The following ERGIC1 variants were observed in gnomAD, a reference collection of about 807,000 sequenced individuals.
The protein encoded by ERGIC1 is endoplasmic reticulum-golgi intermediate compartment 1.
A neutral mutation model predicts 38.3 loss-of-function variants in ERGIC1; 19 were observed. That is an observed-to-expected ratio of 0.50 (90% CI 0.35 to 0.73). ERGIC1 has a LOEUF of 0.73. Among genes scored for constraint, ERGIC1 ranks in the 30% least tolerant of loss-of-function variants. The pLI is 0.01. For missense variants in ERGIC1, 294 were observed against 389.2 expected (o/e 0.76, Z 2.06); for synonymous variants, 124 against 157.6 (o/e 0.79, Z 1.60).
intron 9 of ERGIC1, among the ~76,000 whole-genome samples, chr5:172,940,637 G>A (rs1042369391): frequency 1.3e-5 from 2 of 152,110 alleles, no homozygotes; most frequent in East Asian, 1.9e-4. Flanking sequence ...AAGAAGTACC[G>A]GATGGCGATG....
Position 172,926,388 on chromosome 5 carries a change from C to A in ERGIC1, c.481-121C>A. 9.7e-7 allele frequency: 1 copy of A among 1,027,878 alleles called. No homozygotes were observed. Among genetic ancestry groups the A allele is most frequent in the Non-Finnish European group, 1.5e-6 (1 of 674,042 alleles). 63.7% of individuals were successfully genotyped at this position (1,027,878 alleles called of 1,614,324 possible). On this transcript the variant is annotated intron_variant, in intron 6 of 9. Coordinates refer to ENST00000393784, the MANE Select transcript of ERGIC1 (RefSeq NM_001031711.3). The surrounding 1 kb of genome is among the most constrained non-coding windows in gnomAD (Gnocchi z 5.2). ...TTGCTCCCCACAAATCCGCTGGAGC[C>A]CCCTTTTACACATTGGTAGGGTTCC...
chr5:172,949,282 C>T lies in ERGIC1; in HGVS notation c.766-1427C>T, dbSNP rs7725520. On this transcript the variant is annotated intron_variant, in intron 9 of 9. Transcript: ENST00000393784. ...GCAACAGGGTGTCACATTAAGAGCA[C>T]AGACTCCAAAGTTTTGAACCCCTAT... Among the ~76,000 whole-genome samples, 666 of 152,320 alleles carry T rather than the reference C, an allele frequency of 4.4e-3. 3 individuals are homozygous for T. The highest frequency in any genetic ancestry group is 0.015 in the African/African-American group (632 of 41,568).
At chr5:172,909,146 T>C (rs1763139231) in intron 3 of ERGIC1, among the ~76,000 whole-genome samples, 1 of 139,710 alleles carries the variant, frequency 7.2e-6, no homozygotes, top group African/African-American at 2.6e-5. Context: ...CCCTTCTCTT[T>C]CCTGAGCCCC....
At chr5:172,898,965 G>A (rs1762802127) in intron 3 of ERGIC1, among the ~76,000 whole-genome samples, 1 of 152,150 alleles carries the variant, frequency 6.6e-6, no homozygotes, top group South Asian at 2.1e-4. Flanking sequence ...AATGTTATGA[G>A]GTACCTGTTG....
intron 1 of ERGIC1, chr5:172,867,250 A>G (rs934583691): frequency 4.4e-6 from 2 of 450,956 alleles, no homozygotes; most frequent in East Asian, 7.0e-5. Flanking sequence ...CTGACACTGC[A>G]TGGTCAGGGT....
chr5:172,924,296 G>A (rs1035456688), intron 6 of ERGIC1, among the ~76,000 whole-genome samples, 187 bp downstream of exon 6: 1 of 152,228 alleles, frequency 6.6e-6, no homozygotes, highest in Admixed American at 6.5e-5. Context: ...GGCAGGGGGC[G>A]TCTCAAACAT....
intron 3 of ERGIC1, among the ~76,000 whole-genome samples, chr5:172,907,851 G>C (rs1763074656): frequency 6.6e-6 from 1 of 152,184 alleles, no homozygotes; most frequent in South Asian, 2.1e-4. Flanking sequence ...GTGATGTCTG[G>C]TTCTTGTGTC....
At chr5:172,915,013 C>T in intron 5 of ERGIC1, 175 bp downstream of exon 5, 2 of 1,028,648 alleles carry the variant, frequency 1.9e-6, no homozygotes, top group Non-Finnish European at 1.5e-6. Context: ...GATGGGGGTC[C>T]AGGCTCCCTG....
intron 3 of ERGIC1, among the ~76,000 whole-genome samples, chr5:172,909,318 G>A (rs930600287): frequency 3.3e-5 from 5 of 151,914 alleles, no homozygotes; most frequent in Non-Finnish European, 5.9e-5. Flanking sequence ...GCGCCACCAC[G>A]CCCAGCTAAT....
At position 172,930,636 on chromosome 5, in the gene ERGIC1, TC is replaced by T. The variant is rs1763758128; in HGVS notation, c.542-1798del. ...GGGATTACAGGCGTGAGCCACCACATCCGGCCTTGTACAAATTTTAACAAGA... is the reference window on the plus strand; with the variant it reads ...GGGATTACAGGCGTGAGCCACCACATCGGCCTTGTACAAATTTTAACAAGA... On this transcript the variant is annotated intron_variant, in intron 7 of 9. Coordinates refer to ENST00000393784, the MANE Select transcript of ERGIC1 (RefSeq NM_001031711.3). Among the ~76,000 whole-genome samples, 6 of 152,230 alleles carry T rather than the reference TC, an allele frequency of 3.9e-5. No homozygotes were observed. The South Asian group carries it at 1.0e-3, about 26-fold the overall frequency.
chr5:172,870,151 A>T (rs1761963785), intron 1 of ERGIC1, among the ~76,000 whole-genome samples: 1 of 152,240 alleles, frequency 6.6e-6, no homozygotes. Context: ...TCACAAACTG[A>T]TAATACTCAG....
chr5:172,950,662 CCAG>C (rs1370172098), intron 9 of ERGIC1, 44 bp from the exon 10 acceptor site: 2 of 1,564,944 alleles, frequency 1.3e-6, no homozygotes, highest in African/African-American at 2.7e-5. Flanking sequence ...GGTTCATCCT[CCAG>C]CACTGACTTC....
At chr5:172,924,822 T>G (rs942958767) in intron 6 of ERGIC1, among the ~76,000 whole-genome samples, 2 of 152,178 alleles carry the variant, frequency 1.3e-5, no homozygotes, top group African/African-American at 4.8e-5. Flanking sequence ...TGTCCATCCA[T>G]CTAGTCAACA....
In ERGIC1 at chr5:172,834,894, G is replaced by A. The variant is rs1760997165; in HGVS notation, c.20+461G>A. On this transcript the variant is annotated intron_variant, in intron 1 of 9. Transcript: ENST00000393784. The surrounding 1 kb of genome is among the most constrained non-coding windows in gnomAD (Gnocchi z 4.1). ...CATGCAGCCTGCCGGCAGCTGGAGG[G>A]TTTTAAGTTTCTATAGCCTGAGGCT... 6.6e-6 allele frequency among the ~76,000 whole-genome samples: 1 copy of A among 152,286 alleles called. No homozygotes were observed. The highest frequency in any genetic ancestry group is 1.9e-4 in the East Asian group (1 of 5,158).
chr5:172,912,861 C>A (rs1220425101), intron 4 of ERGIC1, among the ~76,000 whole-genome samples: 1 of 151,948 alleles, frequency 6.6e-6, no homozygotes, highest in Non-Finnish European at 1.5e-5. Context: ...CTCCACCTCC[C>A]AGGTTCAAGC....
At chr5:172,945,753 C>T (rs545830209) in intron 9 of ERGIC1, among the ~76,000 whole-genome samples, 1 of 152,142 alleles carries the variant, frequency 6.6e-6, no homozygotes, top group East Asian at 1.9e-4. Context: ...GGCTGAATCT[C>T]GACTCACTGC....
intron 1 of ERGIC1, among the ~76,000 whole-genome samples, chr5:172,864,652 T>TTTTTAACTTTGCTTTTTTA (rs1761806079): frequency 6.6e-6 from 1 of 152,016 alleles, no homozygotes; most frequent in Non-Finnish European, 1.5e-5. Flanking sequence ...TGCAATCTAC[T>TTTTTAACTTTGCTTTTTTA]ACTTTGATTT....
chr5:172,886,125 G>A (rs1762411562), intron 1 of ERGIC1, among the ~76,000 whole-genome samples: 1 of 151,804 alleles, frequency 6.6e-6, no homozygotes, highest in South Asian at 2.1e-4. Context: ...CCGCCCGCCG[G>A]CCCCCATCGA....
intron 9 of ERGIC1, among the ~76,000 whole-genome samples, chr5:172,938,252 G>T (rs1295754397): frequency 6.6e-6 from 1 of 152,178 alleles, no homozygotes; most frequent in African/African-American, 2.4e-5. Context: ...CCACACCCAC[G>T]ATAAGCCACA....
Sources: gnomAD v4.1 joint callset for allele counts (sites outside exome capture counted in the v4.1 genomes callset) on GRCh38, gnomAD v4.1.1 for gene constraint, Gnocchi (gnomAD v3.1) non-coding constraint, MANE v1.5 for transcripts, NCBI Gene and HGNC (gene_info 2026-07-23, HGNC 2026-07-21) for gene names.